AKAP6: variants seen among roughly 807,000 people sequenced by gnomAD.
The protein encoded by AKAP6 is A-kinase anchor protein 6.
In AKAP6, 58 loss-of-function variants were observed where a neutral mutation model predicts 188.5. The ratio of observed to expected loss-of-function variants is 0.31; its 90% confidence interval spans 0.25 to 0.38. AKAP6 has a LOEUF of 0.38. AKAP6 is among the 10% of genes least tolerant of loss of function. The pLI, the probability that AKAP6 is intolerant of heterozygous loss-of-function variation, is 1.00. For synonymous variants in AKAP6, 989 were observed against 998.6 expected (o/e 0.99, Z 0.18); for missense variants, 2,710 against 2,740.0 (o/e 0.99, Z 0.24).
intron 5 of AKAP6, among the ~76,000 whole-genome samples, chr14:32,590,332 G>A (rs1012258960): frequency 4.6e-5 from 7 of 151,748 alleles, no homozygotes; most frequent in Non-Finnish European, 1.0e-4. Context: ...ATGCATGATA[G>A]GTATTAAAAA....
intron 12 of AKAP6, among the ~76,000 whole-genome samples, chr14:32,795,995 A>G (rs2033757568): frequency 1.3e-5 from 2 of 152,332 alleles, no homozygotes; most frequent in South Asian, 4.1e-4. Context: ...ACAACAGGTA[A>G]GCAGATAGAC....
rs1432471770 is a variant in AKAP6 at position 32,600,663 on chromosome 14, A to G, written c.2601A>G (p.Gln867=). The part of the protein sequence containing the change: ...LKDMLRMIAS[Q]WKELQRQIKR... ...ACATGCTGCGGATGATTGCAAGTCA[A>G]TGGAAGGAGCTGCAGAGGCAAATCA... The change falls in exon 7 of 14, where the codon CAA becomes CAG. Residue 867 remains glutamine, a synonymous_variant. Coordinates refer to ENST00000280979, the MANE Select transcript of AKAP6 (RefSeq NM_004274.5). The G allele has an allele frequency of 4.3e-6, 7 of 1,613,326 alleles. No homozygotes were observed. The South Asian group carries it at 5.5e-5, about 13-fold the overall frequency.
At chr14:32,593,011 A>AACACACACACACACACACACAC (rs60277036) in intron 5 of AKAP6, among the ~76,000 whole-genome samples, 5 of 123,800 alleles carry the variant, frequency 4.0e-5, no homozygotes, top group African/African-American at 1.3e-4. Context: ...CCCCCACCCC[A>AACACACACACACACACACACAC]ACACACACAC....
chr14:32,666,976 T>A (rs146968298), intron 7 of AKAP6, among the ~76,000 whole-genome samples: 26 of 152,246 alleles, frequency 1.7e-4, no homozygotes, highest in Middle Eastern at 3.4e-3. Context: ...TTTTCATTTA[T>A]AATAAAAAGT....
At chr14:32,744,092 A>G (rs1342005255) in intron 11 of AKAP6, among the ~76,000 whole-genome samples, 1 of 152,032 alleles carries the variant, frequency 6.6e-6, no homozygotes, top group Non-Finnish European at 1.5e-5. Flanking sequence ...AACACTTTAA[A>G]TATGTCATGT....
intron 2 of AKAP6, among the ~76,000 whole-genome samples, chr14:32,454,545 A>G (rs935238297): frequency 1.3e-5 from 2 of 152,170 alleles, no homozygotes; most frequent in African/African-American, 4.8e-5. Context: ...GAAACAGTAG[A>G]AAATGAGGTC....
chr14:32,408,593 C>T (rs1040512961), intron 1 of AKAP6, among the ~76,000 whole-genome samples: 1 of 151,214 alleles, frequency 6.6e-6, no homozygotes, highest in African/African-American at 2.4e-5. Flanking sequence ...GATGAGAGCT[C>T]AGGTATCAGC....
chr14:32,620,971 G>T (rs1033200614), intron 7 of AKAP6, among the ~76,000 whole-genome samples: 5 of 151,698 alleles, frequency 3.3e-5, no homozygotes, highest in African/African-American at 1.2e-4. Flanking sequence ...ATAGTAGTCT[G>T]GAATGATCAT....
chr14:32,530,644 G>A (rs2139097313), intron 2 of AKAP6, among the ~76,000 whole-genome samples: 1 of 152,130 alleles, frequency 6.6e-6, no homozygotes, highest in South Asian at 2.1e-4. Context: ...GGGACAATTA[G>A]CAGGAACTGA....
At chr14:32,533,237 G>A (rs1882505345) in intron 2 of AKAP6, among the ~76,000 whole-genome samples, 1 of 152,214 alleles carries the variant, frequency 6.6e-6, no homozygotes, top group Admixed American at 6.5e-5. Context: ...ATGTAGAGGA[G>A]TAAAAGGGAA....
At chr14:32,604,578 T>C (rs1886059264) in intron 7 of AKAP6, among the ~76,000 whole-genome samples, 1 of 152,180 alleles carries the variant, frequency 6.6e-6, no homozygotes, top group African/African-American at 2.4e-5. Context: ...ATATAAAGGC[T>C]CAGATTCTGA....
At chr14:32,809,712 C>T (rs1481653806) in intron 12 of AKAP6, among the ~76,000 whole-genome samples, 2 of 152,024 alleles carry the variant, frequency 1.3e-5, no homozygotes, top group East Asian at 1.9e-4. Flanking sequence ...GAGCAGGGGG[C>T]TTCAATTTTA....
intron 2 of AKAP6, among the ~76,000 whole-genome samples, chr14:32,444,354 C>T (rs536491572): frequency 3.2e-4 from 48 of 152,264 alleles, no homozygotes; most frequent in African/African-American, 1.1e-3. Context: ...TTGCTCTCGT[C>T]ACGCTCAAAC....
chr14:32,511,920 A>G (rs759140329), intron 2 of AKAP6, among the ~76,000 whole-genome samples: 18 of 152,352 alleles, frequency 1.2e-4, no homozygotes, highest in African/African-American at 2.6e-4. Flanking sequence ...AGTATAAATC[A>G]TAGAGAGATC....
At chr14:32,782,351 C>T (rs1341003549) in intron 12 of AKAP6, among the ~76,000 whole-genome samples, 2 of 152,080 alleles carry the variant, frequency 1.3e-5, no homozygotes, top group Non-Finnish European at 1.5e-5. Flanking sequence ...AGGAATAAGG[C>T]AAAGATGTAC....
chr14:32,817,084 G>A (rs2034397135), intron 12 of AKAP6, among the ~76,000 whole-genome samples: 1 of 151,910 alleles, frequency 6.6e-6, no homozygotes, highest in Non-Finnish European at 1.5e-5. Flanking sequence ...TCTCTATTAG[G>A]TTATTGTTTT....
At chr14:32,458,299 T>A (rs1469936251) in intron 2 of AKAP6, among the ~76,000 whole-genome samples, 1 of 152,152 alleles carries the variant, frequency 6.6e-6, no homozygotes, top group Non-Finnish European at 1.5e-5. Flanking sequence ...TGTCTCCCTA[T>A]AAACTTGAAG....
At chr14:32,721,051 A>G (rs1269690315) in intron 9 of AKAP6, among the ~76,000 whole-genome samples, 1 of 152,188 alleles carries the variant, frequency 6.6e-6, no homozygotes, top group Non-Finnish European at 1.5e-5. Context: ...CCTACATTGC[A>G]TACTCTGACA....
intron 12 of AKAP6, among the ~76,000 whole-genome samples, chr14:32,813,629 C>A (rs977355166): frequency 3.3e-5 from 5 of 152,144 alleles, no homozygotes; most frequent in African/African-American, 1.2e-4. Flanking sequence ...AGAACTGGGA[C>A]AAAGGCCAAA....
Sources: gnomAD v4.1 joint callset for allele counts (sites outside exome capture counted in the v4.1 genomes callset) on GRCh38, gnomAD v4.1.1 for gene constraint, MANE v1.5 for transcripts, NCBI Gene and HGNC (gene_info 2026-07-23, HGNC 2026-07-21) for gene names.